Variants in UHRF1 observed in about 807,000 individuals in gnomAD.
The protein encoded by UHRF1 is E3 ubiquitin-protein ligase UHRF1.
Under a neutral mutation model 96.5 loss-of-function variants are expected in UHRF1, and 9 were observed. The ratio of observed to expected loss-of-function variants is 0.09; its 90% CI spans 0.06 to 0.16. The LOEUF is 0.16. Ranked by LOEUF, UHRF1 falls within the 10% of genes least tolerant of loss-of-function variation. The pLI is 1.00. For synonymous variants in UHRF1, 455 were observed against 469.9 expected, an observed-to-expected ratio of 0.97 and a Z score of 0.41; for missense variants, 626 against 1,131.1, an observed-to-expected ratio of 0.55 and a Z score of 6.40.
chr19:4,936,232 C>T (rs766038961), intron 5 of UHRF1, among the ~76,000 whole-genome samples: 4 of 152,128 alleles, frequency 2.6e-5, no homozygotes, highest in Non-Finnish European at 5.9e-5. Context: ...AGTTGTGCCT[C>T]GCAATGAGTT....
intron 16 of UHRF1, among the ~76,000 whole-genome samples, chr19:4,959,480 A>C (rs2033937308): frequency 6.6e-6 from 1 of 152,080 alleles, no homozygotes; most frequent in Admixed American, 6.5e-5. Context: ...GCATCTGTGC[A>C]CCTGTGTACG....
chr19:4,904,113 A>T (rs1409272480), intron 1 of UHRF1, among the ~76,000 whole-genome samples: 1 of 151,674 alleles, frequency 6.6e-6, no homozygotes, highest in Non-Finnish European at 1.5e-5. Flanking sequence ...AGTAGCTGGG[A>T]TTACGGGCAT....
Position 4,932,710 on chromosome 19 carries a change from A to T in UHRF1, c.570-31A>T, listed in dbSNP as rs753746784. On this transcript the variant is annotated intron_variant, in intron 4 of 16. Transcript: ENST00000650932. ...TGAGGGAAGGAGGCTTGGTCTTAGC[A>T]CGGGGTCTAAGGCCCGGGCTTTCCT... The T allele has an allele frequency of 4.4e-6, 7 of 1,608,740 alleles. No individual in the cohort carries two copies. In the East Asian group the frequency reaches 1.3e-4, roughly 31 times the overall value.
chr19:4,942,681 C>T (rs531389836), intron 7 of UHRF1, among the ~76,000 whole-genome samples: 3 of 152,094 alleles, frequency 2.0e-5, no homozygotes, highest in East Asian at 1.9e-4. Flanking sequence ...AACTCCTGAC[C>T]TTAAGTGATC....
intron 4 of UHRF1, among the ~76,000 whole-genome samples, chr19:4,931,730 G>C (rs1232485988): frequency 6.6e-6 from 1 of 151,812 alleles, no homozygotes; most frequent in Admixed American, 6.6e-5. Context: ...GCCTCCCAGA[G>C]TGTTGGGATT....
At chr19:4,941,192 G>A (rs2033387414) in intron 5 of UHRF1, among the ~76,000 whole-genome samples, 1 of 145,648 alleles carries the variant, frequency 6.9e-6, no homozygotes, top group Admixed American at 7.2e-5. Context: ...CCGGGTTCAA[G>A]TGATTCTTCT....
At chr19:4,924,577 C>G (rs2032807444) in intron 2 of UHRF1, among the ~76,000 whole-genome samples, 1 of 152,132 alleles carries the variant, frequency 6.6e-6, no homozygotes, top group Non-Finnish European at 1.5e-5. Context: ...GCCACTGTGC[C>G]CAGCCCCTTT....
rs1457574019 is a variant in UHRF1, at chr19:4,930,916, C to G, written c.569+40C>G. The G allele has an allele frequency of 5.0e-6, 8 of 1,608,908 alleles. No homozygotes were observed. Among genetic ancestry groups the G allele is most frequent in the Middle Eastern group, 1.7e-4 (1 of 5,916 alleles). On this transcript the variant is annotated intron_variant, in intron 4 of 16. Coordinates refer to ENST00000650932, the MANE Select transcript of UHRF1 (RefSeq NM_001048201.3). The surrounding 1 kb of genome is among the most constrained non-coding windows in gnomAD (Gnocchi z 4.4). ...GTGGGCGGGCCTGGGTATTCAGGCT[C>G]TGTGACGCGCATCCTTGGCTGCGGG...
chr19:4,945,023 G>C (rs1180611908), intron 9 of UHRF1, among the ~76,000 whole-genome samples: 2 of 152,200 alleles, frequency 1.3e-5, no homozygotes, highest in Non-Finnish European at 2.9e-5. Flanking sequence ...CCCTGGGTGA[G>C]ATGCACTGAG....
chr19:4,905,273 T>C (rs552846131), upstream of UHRF1, among the ~76,000 whole-genome samples: 18 of 147,026 alleles, frequency 1.2e-4, no homozygotes, highest in Non-Finnish European at 2.4e-4. Context: ...TGTGCCACCA[T>C]GCCCGGCTAA....
At chr19:4,923,146 C>G (rs893168330) in intron 2 of UHRF1, among the ~76,000 whole-genome samples, 1 of 152,200 alleles carries the variant, frequency 6.6e-6, no homozygotes, top group Non-Finnish European at 1.5e-5. Flanking sequence ...GCCACCAGTT[C>G]TCATTGGCCC....
intron 2 of UHRF1, among the ~76,000 whole-genome samples, chr19:4,917,771 C>A (rs2146300570): frequency 6.6e-6 from 1 of 151,060 alleles, no homozygotes; most frequent in South Asian, 2.1e-4. Flanking sequence ...AATCCTCCTA[C>A]TTCAGCCTCC....
At chr19:4,915,118 A>G (rs2032442530) in intron 2 of UHRF1, among the ~76,000 whole-genome samples, 1 of 152,256 alleles carries the variant, frequency 6.6e-6, no homozygotes, top group South Asian at 2.1e-4. Context: ...GATTAAGGTC[A>G]GTCTGATGCC....
intron 15 of UHRF1, among the ~76,000 whole-genome samples, chr19:4,956,001 C>G (rs2145218853): frequency 6.6e-6 from 1 of 152,162 alleles, no homozygotes; most frequent in East Asian, 1.9e-4. Context: ...ATGGCATGAT[C>G]TTGGATCACT....
intron 5 of UHRF1, among the ~76,000 whole-genome samples, chr19:4,940,359 A>ATTTTTGTTTTTT (rs2033354432): frequency 1.5e-5 from 1 of 67,056 alleles, no homozygotes; most frequent in Non-Finnish European, 2.7e-5. Flanking sequence ...TGCCTTTATG[A>ATTTTTGTTTTTT]TTTTTTTTTT....
chr19:4,955,755 T>A (rs917063271), intron 15 of UHRF1, among the ~76,000 whole-genome samples: 1 of 151,950 alleles, frequency 6.6e-6, no homozygotes, highest in African/African-American at 2.4e-5. Flanking sequence ...GCTGGGCTCC[T>A]GGTGGCCCGT....
At position 4,930,896 on chromosome 19, in the gene UHRF1, C is replaced by T. The variant is rs370534552; in HGVS notation, c.569+20C>T. 237 of 1,612,918 alleles carry T rather than the reference C, an allele frequency of 1.5e-4. No individual in the cohort carries two copies. The highest frequency in any genetic ancestry group is 9.9e-4 in the Middle Eastern group (6 of 6,034). Reference sequence around the variant, plus strand: ...CGACGAGTGAGTCATGGCAGGTGGGCGGGCCTGGGTATTCAGGCTCTGTGA... The same window carrying T: ...CGACGAGTGAGTCATGGCAGGTGGGTGGGCCTGGGTATTCAGGCTCTGTGA... On this transcript the variant is annotated intron_variant, in intron 4 of 16. Transcript: ENST00000650932. This position sits in a 1 kb window ranked among gnomAD's most constrained non-coding sequence, Gnocchi z 4.4.
rs372514464 is a variant in UHRF1 at position 4,917,201 on chromosome 19, C to T, written c.153+6163C>T. 2.6e-5 allele frequency among the ~76,000 whole-genome samples: 4 copies of T among 151,356 alleles called. No individual in the cohort carries two copies. The East Asian group carries it at 7.8e-4, about 29-fold the overall frequency. On this transcript the variant is annotated intron_variant, in intron 2 of 16. Transcript: ENST00000650932. ...TGAACCCCTGGCCTCAAGTGATCCT[C>T]CCATCTTGACTTCCCAAAGTACTGG... is the stretch of plus-strand genomic sequence containing the variant.
upstream of UHRF1, among the ~76,000 whole-genome samples, chr19:4,908,883 C>T (rs900796499): frequency 1.3e-5 from 2 of 152,114 alleles, no homozygotes; most frequent in Non-Finnish European, 2.9e-5. Flanking sequence ...CTCCTGTGCC[C>T]GCCAGGACTG....
Sources: gnomAD v4.1 joint callset for allele counts (sites outside exome capture counted in the v4.1 genomes callset) on GRCh38, gnomAD v4.1.1 for gene constraint, Gnocchi (gnomAD v3.1) non-coding constraint, MANE v1.5 for transcripts, NCBI Gene and HGNC (gene_info 2026-07-23, HGNC 2026-07-21) for gene names.